The following STXBP5L variants were observed in gnomAD, a reference collection of about 807,000 sequenced individuals.
The protein encoded by STXBP5L is syntaxin-binding protein 5-like.
In STXBP5L, 65 loss-of-function variants were observed where a neutral mutation model predicts 144.5. The observed-to-expected ratio is 0.45, with a 90% CI of 0.37 to 0.55. The LOEUF (loss-of-function observed/expected upper bound fraction) is 0.55, where lower values mean the gene tolerates loss of function less well. STXBP5L is among the 20% of genes least tolerant of loss of function. The pLI is 0.00. For synonymous variants in STXBP5L, 505 were observed against 469.6 expected, an observed-to-expected ratio of 1.08 and a Z score of -0.97; for missense variants, 1,298 against 1,405.5, an observed-to-expected ratio of 0.92 and a Z score of 1.22.
intron 3 of STXBP5L, among the ~76,000 whole-genome samples, chr3:121,010,892 T>C (rs1944724903): frequency 6.6e-6 from 1 of 151,660 alleles, no homozygotes; most frequent in African/African-American, 2.4e-5. Flanking sequence ...GGGTTTGTCT[T>C]GCTGTCTGGG....
At chr3:121,330,205 A>G (rs964950619) in intron 20 of STXBP5L, among the ~76,000 whole-genome samples, 1 of 152,182 alleles carries the variant, frequency 6.6e-6, no homozygotes, top group Non-Finnish European at 1.5e-5. Flanking sequence ...ACTGCTCAGA[A>G]CCTAGCTAGC....
At chr3:120,986,018 C>A (rs1164251603) in intron 3 of STXBP5L, among the ~76,000 whole-genome samples, 1 of 151,614 alleles carries the variant, frequency 6.6e-6, no homozygotes, top group Non-Finnish European at 1.5e-5. Flanking sequence ...TTGTTTGAGA[C>A]TTTTTTAAAA....
intron 7 of STXBP5L, among the ~76,000 whole-genome samples, chr3:121,142,123 T>C (rs2045533756): frequency 6.6e-6 from 1 of 152,040 alleles, no homozygotes; most frequent in East Asian, 1.9e-4. Flanking sequence ...ATGGCTATTA[T>C]TATTGCAGAC....
intron 7 of STXBP5L, among the ~76,000 whole-genome samples, chr3:121,123,819 T>C (rs1307241441): frequency 2.0e-5 from 3 of 151,816 alleles, no homozygotes; most frequent in Non-Finnish European, 4.4e-5. Flanking sequence ...ACTTTACTTC[T>C]TGTATATCAG....
intron 5 of STXBP5L, among the ~76,000 whole-genome samples, chr3:121,050,933 T>A (rs1408684990): frequency 1.3e-5 from 2 of 152,054 alleles, no homozygotes; most frequent in Non-Finnish European, 2.9e-5. Flanking sequence ...GGGGTTGCAA[T>A]CCTAGTCTCT....
At chr3:121,217,528 C>A (rs1330637356) in intron 10 of STXBP5L, among the ~76,000 whole-genome samples, 1 of 152,114 alleles carries the variant, frequency 6.6e-6, no homozygotes, top group Non-Finnish European at 1.5e-5. Context: ...TCTAATCATT[C>A]CCAGTTCCAT....
chr3:121,053,610 T>C (rs1030857841), intron 5 of STXBP5L, among the ~76,000 whole-genome samples: 8 of 152,172 alleles, frequency 5.3e-5, no homozygotes, highest in African/African-American at 9.7e-5. Context: ...AAGACTTAAA[T>C]GTTAGACCTA....
chr3:120,930,001 A>G (rs910780058), intron 2 of STXBP5L, among the ~76,000 whole-genome samples: 1 of 151,388 alleles, frequency 6.6e-6, no homozygotes, highest in Non-Finnish European at 1.5e-5. Context: ...TTTATCTGTT[A>G]TAGTTTTGTA....
chr3:121,097,577 G>C (rs536787366), intron 5 of STXBP5L, among the ~76,000 whole-genome samples: 3 of 152,080 alleles, frequency 2.0e-5, no homozygotes, highest in African/African-American at 4.8e-5. Flanking sequence ...AAAATTTCCC[G>C]ACTTCTTGCA....
At chr3:121,116,782 C>A (rs1045563840) in intron 6 of STXBP5L, among the ~76,000 whole-genome samples, 2 of 151,822 alleles carry the variant, frequency 1.3e-5, no homozygotes, top group Non-Finnish European at 2.9e-5. Flanking sequence ...TAATCCTAGT[C>A]CTATAAAAGC....
chr3:121,229,814 A>G (rs569786071), intron 11 of STXBP5L, among the ~76,000 whole-genome samples: 1 of 152,248 alleles, frequency 6.6e-6, no homozygotes, highest in African/African-American at 2.4e-5. Context: ...TTAGCTTCCC[A>G]AAGTGCTGAG....
intron 5 of STXBP5L, among the ~76,000 whole-genome samples, chr3:121,081,562 G>A (rs1247224950): frequency 6.6e-6 from 1 of 152,172 alleles, no homozygotes; most frequent in Non-Finnish European, 1.5e-5. Flanking sequence ...TGTCTCCTAG[G>A]GGGTTAGAAT....
chr3:120,932,795 C>A (rs1249635632), intron 2 of STXBP5L, among the ~76,000 whole-genome samples: 2 of 151,930 alleles, frequency 1.3e-5, no homozygotes, highest in Non-Finnish European at 2.9e-5. Flanking sequence ...TTGGAACCAA[C>A]CCAAATGTCC....
At chr3:120,941,917 TC>T (rs1710586916) in intron 2 of STXBP5L, among the ~76,000 whole-genome samples, 1 of 151,788 alleles carries the variant, frequency 6.6e-6, no homozygotes, top group Admixed American at 6.6e-5. Context: ...AATATTATTT[TC>T]AAGGAGAATT....
chr3:121,209,592 C>T (rs2048475770), intron 10 of STXBP5L, among the ~76,000 whole-genome samples: 1 of 152,014 alleles, frequency 6.6e-6, no homozygotes, highest in African/African-American at 2.4e-5. Context: ...CTCCCCCCAC[C>T]CCATGACAGG....
chr3:121,398,029 C>T (rs1045957845), intron 22 of STXBP5L, among the ~76,000 whole-genome samples: 1 of 152,186 alleles, frequency 6.6e-6, no homozygotes, highest in African/African-American at 2.4e-5. Flanking sequence ...CAATAAGCAG[C>T]TTTGCCTTGT....
intron 20 of STXBP5L, among the ~76,000 whole-genome samples, chr3:121,332,757 A>G (rs1189316226): frequency 2.6e-5 from 4 of 152,178 alleles, no homozygotes; most frequent in African/African-American, 9.6e-5. Context: ...TTCAAGTACA[A>G]GAAGTTCAAA....
In STXBP5L at chr3:121,025,996, CA is replaced by C. The variant is rs947652628; in HGVS notation, c.288-15702del. Among the ~76,000 whole-genome samples the C allele has an allele frequency of 3.5e-5, 5 of 142,872 alleles. No homozygotes were observed. In the Admixed American group the frequency reaches 3.6e-4, roughly 10 times the overall value. 93.7% of individuals were successfully genotyped at this position (142,872 alleles called of 152,430 possible). A position where few individuals can be genotyped will look rare whatever the true frequency, so the allele number is the denominator to read the frequency against. ...AATGTTAATAATATATTAGTATTAT[CA>C]ATATATTATATATAAATATATTTAT... is the stretch of plus-strand genomic sequence containing the variant. On this transcript the variant is annotated intron_variant, in intron 3 of 26. Coordinates refer to ENST00000471454, the MANE Select transcript of STXBP5L (RefSeq NM_001308330.2).
chr3:121,298,916 T>C (rs1165402754), intron 19 of STXBP5L, among the ~76,000 whole-genome samples: 2 of 152,164 alleles, frequency 1.3e-5, no homozygotes, highest in African/African-American at 4.8e-5. Context: ...ATGTTGTGTG[T>C]TTTTTACCAT....
Sources: allele counts gnomAD v4.1 joint callset (sites outside exome capture counted in the v4.1 genomes callset), GRCh38; gene constraint gnomAD v4.1.1; transcripts MANE v1.5; gene names NCBI Gene and HGNC (gene_info 2026-07-23, HGNC 2026-07-21).